ZNF566: variants seen among roughly 807,000 people sequenced by gnomAD.
The protein encoded by ZNF566 is zinc finger protein 566.
ZNF566 carries 27 observed loss-of-function variants against 32.8 expected under a neutral mutation model. That is an observed-to-expected ratio of 0.82 (90% CI 0.61 to 1.14). The LOEUF is 1.14. Among genes scored for constraint, ZNF566 ranks in the 50% most tolerant of loss-of-function variants. The probability of loss-of-function intolerance (pLI) is 0.00; values close to 1 mark genes in which losing one functional copy is unlikely to be tolerated. For missense variants in ZNF566, 402 were observed against 490.4 expected (o/e 0.82, Z 1.70); for synonymous variants, 154 against 159.5 (o/e 0.97, Z 0.26).
intron 2 of ZNF566, 59 bp downstream of exon 2, chr19:36,476,490 G>T: frequency 1.3e-6 from 2 of 1,486,786 alleles, no homozygotes; most frequent in Non-Finnish European, 1.9e-6. Flanking sequence ...GAAAGCAAAT[G>T]TTTACAGTTA....
At chr19:36,487,410 G>GT (rs928702484) in intron 1 of ZNF566, among the ~76,000 whole-genome samples, 1 of 152,116 alleles carries the variant, frequency 6.6e-6, no homozygotes, top group African/African-American at 2.4e-5. Flanking sequence ...AGCATCATTT[G>GT]TAACAGCCCC....
intron 4 of ZNF566, among the ~76,000 whole-genome samples, chr19:36,469,719 C>G (rs1358150583): frequency 6.6e-6 from 1 of 152,036 alleles, no homozygotes; most frequent in African/African-American, 2.4e-5. Context: ...ATGAATACTA[C>G]CAAACACTGT....
At chr19:36,458,101 A>G (rs1418234650) in intron 4 of ZNF566, among the ~76,000 whole-genome samples, 2 of 152,210 alleles carry the variant, frequency 1.3e-5, no homozygotes, top group Admixed American at 1.3e-4. Flanking sequence ...TTCTGGGTAT[A>G]TATCCAAATG....
intron 4 of ZNF566, among the ~76,000 whole-genome samples, chr19:36,457,447 A>G (rs1482258843): frequency 6.6e-6 from 1 of 152,228 alleles, no homozygotes; most frequent in African/African-American, 2.4e-5. Flanking sequence ...TCCAAAATGT[A>G]TAAGGAACTC....
chr19:36,475,937 T>C (rs61616528), intron 2 of ZNF566, among the ~76,000 whole-genome samples: 1,999 of 152,300 alleles, frequency 0.013, 43 homozygotes, highest in African/African-American at 0.046. Flanking sequence ...CTGATGGACA[T>C]TAATCTAAAT....
At position 36,482,272 on chromosome 19, in the gene ZNF566, AT is replaced by A. The variant is rs2034054441; in HGVS notation, c.-59-5657del. Reference sequence around the variant, plus strand: ...AGGCGCCCGCCACCACGCCCGGCTAATTTTTTGTATTTTTAGTAGAGACGGG... The same window carrying A: ...AGGCGCCCGCCACCACGCCCGGCTAATTTTTGTATTTTTAGTAGAGACGGG... On this transcript the variant is annotated intron_variant, in intron 1 of 4. Transcript: ENST00000452939. Among the ~76,000 whole-genome samples the A allele has an allele frequency of 3.3e-5, 5 of 152,152 alleles. No individual in the cohort carries two copies. The South Asian group carries it at 1.0e-3, about 32-fold the overall frequency.
intron 1 of ZNF566, among the ~76,000 whole-genome samples, chr19:36,484,546 C>G (rs2967456): frequency 0.64 from 95,204 of 149,770 alleles, 30,797 homozygotes; most frequent in Non-Finnish European, 0.68. Context: ...AAAACTAATG[C>G]GTGAGAAAAC....
In ZNF566 at chr19:36,449,741, T is replaced by C; in HGVS notation, c.493A>G (p.Asn165Asp). The change falls in exon 5 of 5, where the codon AAC (asparagine) becomes GAC (aspartate). Residue 165 changes from asparagine to aspartate, a missense_variant. Transcript: ENST00000452939. ...GATGCACAGAATTTCTTTTTACTGT[T>C]AATGATTTGCTGTAATGTGAAGGAT... ...HPSFTLQQII[N>D]SKKKFCASKE... 1 of 1,614,200 alleles carries C rather than the reference T, an allele frequency of 6.2e-7. No homozygotes were observed. The highest frequency in any genetic ancestry group is 8.5e-7 in the Non-Finnish European group (1 of 1,180,036).
At chr19:36,483,326 C>T (rs79548435) in intron 1 of ZNF566, among the ~76,000 whole-genome samples, 1,968 of 152,200 alleles carry the variant, frequency 0.013, 44 homozygotes, top group African/African-American at 0.045. Context: ...CTCCACTGAC[C>T]AGAACCAGAG....
In ZNF566 at chr19:36,445,648, C is replaced by T. The variant is rs1244597871; in HGVS notation, c.*3329G>A. The stretch of plus-strand genomic sequence containing the variant: ...CAGCCTGACCAACATGGAAAAATGC[C>T]GTCTCTACTAAAAATACAAAATTTT... On this transcript the variant is annotated 3_prime_UTR_variant, in exon 5 of 5. Transcript: ENST00000452939. 2.6e-5 allele frequency: 4 copies of T among 152,098 alleles called. No homozygotes were observed. Among genetic ancestry groups the T allele is most frequent in the South Asian group, 2.1e-4 (1 of 4,822 alleles). The allele number at this position is 152,098 out of a possible 1,614,324, so 9.4% of individuals were successfully genotyped here.
intron 4 of ZNF566, among the ~76,000 whole-genome samples, chr19:36,457,045 T>C (rs1413832442): frequency 6.6e-6 from 1 of 152,128 alleles, no homozygotes; most frequent in Non-Finnish European, 1.5e-5. Context: ...GGCATAAAAA[T>C]AGACACATCA....
chr19:36,449,841 T>C lies in ZNF566; in HGVS notation c.393A>G (p.Glu131=). 1 of 1,614,116 alleles carries C rather than the reference T, an allele frequency of 6.2e-7. No homozygotes were observed. Among genetic ancestry groups the C allele is most frequent in the South Asian group, 1.1e-5 (1 of 91,084 alleles). ...TGAAATGTCCCCCCTGAGAGCCGAGTTCTTTCTTAAACTGCCGATTACATT... is the reference window on the plus strand; with the variant it reads ...TGAAATGTCCCCCCTGAGAGCCGAGCTCTTTCTTAAACTGCCGATTACATT... The part of the protein sequence containing the change: ...DWECNRQFKK[E]LGSQGGHFNQ... Residue 131 remains glutamate (E), a synonymous_variant, in exon 5 of 5, where the codon GAA becomes GAG. Coordinates refer to ENST00000452939, the MANE Select transcript of ZNF566 (RefSeq NM_001145344.1).
At chr19:36,455,587 CA>C (rs1447965103) in intron 4 of ZNF566, among the ~76,000 whole-genome samples, 1 of 151,682 alleles carries the variant, frequency 6.6e-6, no homozygotes. Context: ...ACTAAAAATA[CA>C]AAAATTAGCC....
intron 2 of ZNF566, among the ~76,000 whole-genome samples, chr19:36,474,626 T>G (rs760386179): frequency 9.9e-5 from 15 of 152,182 alleles, no homozygotes; most frequent in Non-Finnish European, 2.2e-4. Context: ...TTTCAAGAGT[T>G]GAGGGCAGTG....
intron 1 of ZNF566, among the ~76,000 whole-genome samples, chr19:36,478,618 A>T (rs1478344117): frequency 3.3e-5 from 1 of 30,032 alleles, no homozygotes; most frequent in East Asian, 3.7e-4. Context: ...CATTAATGTA[A>T]AAAAAAAAAA....
At chr19:36,454,138 A>C (rs1033941328) in intron 4 of ZNF566, among the ~76,000 whole-genome samples, 5 of 152,116 alleles carry the variant, frequency 3.3e-5, no homozygotes, top group South Asian at 2.1e-4. Flanking sequence ...GGCTCAAGCT[A>C]TCCTCCCACC....
rs1396982879 is a variant in ZNF566 at position 36,476,442 on chromosome 19, G to A, written c.9+107C>T. The A allele has an allele frequency of 1.9e-5, 18 of 953,168 alleles. No homozygotes were observed. In the South Asian group the frequency reaches 2.9e-4, roughly 15 times the overall value. The allele number at this position is 953,168 out of a possible 1,614,324, so 59.0% of individuals were successfully genotyped here. ...TTGCTCATAACCAAACTTTTTGAAA[G>A]GTGTTGTTTTTCTAACATCAAAAAG... is the stretch of plus-strand genomic sequence containing the variant. On this transcript the variant is annotated intron_variant, in intron 2 of 4. Transcript: ENST00000452939.
At chr19:36,464,679 T>G (rs1037803474) in intron 4 of ZNF566, among the ~76,000 whole-genome samples, 1 of 151,662 alleles carries the variant, frequency 6.6e-6, no homozygotes, top group Non-Finnish European at 1.5e-5. Flanking sequence ...GAGGCTGAGG[T>G]GGGAGGATCA....
At chr19:36,484,458 A>C (rs1395252508) in intron 1 of ZNF566, among the ~76,000 whole-genome samples, 3 of 152,216 alleles carry the variant, frequency 2.0e-5, no homozygotes, top group African/African-American at 7.2e-5. Context: ...AAGTGTAAGA[A>C]ATGATAGAAG....
Sources: gnomAD v4.1 joint callset for allele counts (sites outside exome capture counted in the v4.1 genomes callset) on GRCh38, gnomAD v4.1.1 for gene constraint, MANE v1.5 for transcripts, NCBI Gene and HGNC (gene_info 2026-07-23, HGNC 2026-07-21) for gene names.